Variants in CPQ observed in about 807,000 individuals in gnomAD.
The protein encoded by CPQ is carboxypeptidase Q.
Under a neutral mutation model 45.7 loss-of-function variants are expected in CPQ, and 37 were observed. The ratio of observed to expected loss-of-function variants is 0.81; its 90% CI spans 0.62 to 1.07. The LOEUF is 1.07. CPQ is among the 50% of genes least tolerant of loss of function. CPQ has a pLI of 0.00. For synonymous variants in CPQ, 186 were observed against 205.8 expected (o/e 0.90, Z 0.82); for missense variants, 537 against 572.9 (o/e 0.94, Z 0.64).
At chr8:97,141,551 A>G (rs1812164287) in intron 7 of CPQ, among the ~76,000 whole-genome samples, 2 of 152,178 alleles carry the variant, frequency 1.3e-5, no homozygotes, top group South Asian at 4.1e-4. Flanking sequence ...TATGTGAAGC[A>G]AGAGAATGAC....
intron 1 of CPQ, among the ~76,000 whole-genome samples, chr8:96,750,398 A>G (rs1238969221): frequency 6.6e-6 from 1 of 152,214 alleles, no homozygotes; most frequent in East Asian, 1.9e-4. Context: ...GGTTGACTGA[A>G]TAGTGCTTGG....
chr8:96,768,600 G>C (rs928804320), intron 1 of CPQ, among the ~76,000 whole-genome samples: 1 of 152,180 alleles, frequency 6.6e-6, no homozygotes, highest in Non-Finnish European at 1.5e-5. Flanking sequence ...TTTTTGTTGA[G>C]TTAACAGTGT....
At chr8:96,761,488 G>A (rs954556132) in intron 1 of CPQ, 3 of 152,184 alleles carry the variant, frequency 2.0e-5, no homozygotes, top group Non-Finnish European at 4.4e-5. Context: ...CCTACTCCAC[G>A]TAATGTGAGT....
intron 1 of CPQ, among the ~76,000 whole-genome samples, chr8:96,680,770 A>G (rs1480959492): frequency 1.3e-5 from 2 of 152,112 alleles, no homozygotes; most frequent in Non-Finnish European, 2.9e-5. Context: ...AAAGTGTGGA[A>G]CTCCCTAGAG....
chr8:96,995,428 A>G (rs981224111), intron 5 of CPQ, among the ~76,000 whole-genome samples: 1 of 152,028 alleles, frequency 6.6e-6, no homozygotes, highest in Non-Finnish European at 1.5e-5. Flanking sequence ...TAAATGCAGA[A>G]GAAGCTGATT....
intron 4 of CPQ, among the ~76,000 whole-genome samples, chr8:96,893,470 C>G (rs1812403516): frequency 6.6e-6 from 1 of 152,218 alleles, no homozygotes; most frequent in South Asian, 2.1e-4. Context: ...GCCTGCAGCA[C>G]TGTGTCCTTG....
At chr8:96,746,305 C>T (rs1054679706) in intron 1 of CPQ, among the ~76,000 whole-genome samples, 11 of 152,156 alleles carry the variant, frequency 7.2e-5, no homozygotes, top group Non-Finnish European at 7.3e-5. Flanking sequence ...ATAATAAATT[C>T]ATAGCACTTA....
At chr8:96,817,518 G>A (rs1403607409) in intron 2 of CPQ, among the ~76,000 whole-genome samples, 3 of 152,042 alleles carry the variant, frequency 2.0e-5, no homozygotes, top group Non-Finnish European at 4.4e-5. Flanking sequence ...TGTTGTAGGG[G>A]GTTTGATCTT....
intron 3 of CPQ, among the ~76,000 whole-genome samples, chr8:96,844,870 C>T (rs987538789): frequency 2.0e-5 from 3 of 152,188 alleles, no homozygotes; most frequent in Non-Finnish European, 4.4e-5. Context: ...AAACTATGCA[C>T]TTGTCTTTTC....
intron 7 of CPQ, among the ~76,000 whole-genome samples, chr8:97,117,313 T>A (rs1811611813): frequency 6.6e-6 from 1 of 152,136 alleles, no homozygotes; most frequent in African/African-American, 2.4e-5. Flanking sequence ...TAGTTGTCAA[T>A]TCATTCAACA....
At chr8:96,900,294 T>C (rs1177422351) in intron 4 of CPQ, among the ~76,000 whole-genome samples, 3 of 152,090 alleles carry the variant, frequency 2.0e-5, no homozygotes, top group Non-Finnish European at 2.9e-5. Context: ...TGGGTTGAGA[T>C]GGGGTTTGGG....
chr8:96,966,810 T>C (rs970896047), intron 5 of CPQ, among the ~76,000 whole-genome samples: 1 of 152,240 alleles, frequency 6.6e-6, no homozygotes, highest in African/African-American at 2.4e-5. Flanking sequence ...ATAATTACCA[T>C]ACATGACAGA....
At chr8:96,949,856 T>G (rs1305579143) in intron 4 of CPQ, among the ~76,000 whole-genome samples, 2 of 152,132 alleles carry the variant, frequency 1.3e-5, no homozygotes, top group African/African-American at 4.8e-5. Flanking sequence ...ACTTCAGACT[T>G]ACTCACTGCT....
At chr8:96,789,219 G>A (rs1227255989) in intron 2 of CPQ, among the ~76,000 whole-genome samples, 1 of 151,662 alleles carries the variant, frequency 6.6e-6, no homozygotes, top group Admixed American at 6.6e-5. Context: ...TTATGCCATA[G>A]TTTTAAAAAC....
chr8:96,788,325 A>G (rs1810801799), intron 2 of CPQ, among the ~76,000 whole-genome samples: 1 of 151,530 alleles, frequency 6.6e-6, no homozygotes, highest in South Asian at 2.1e-4. Flanking sequence ...TGCCCAGCTA[A>G]TTTTTTGTAT....
At chr8:97,056,205 A>G (rs191621991) in intron 6 of CPQ, among the ~76,000 whole-genome samples, 1 of 152,338 alleles carries the variant, frequency 6.6e-6, no homozygotes, top group East Asian at 1.9e-4. Flanking sequence ...ACACAATTAG[A>G]CATCTAAGTG....
chr8:97,091,996 C>T (rs1811134882), intron 7 of CPQ, among the ~76,000 whole-genome samples: 1 of 152,112 alleles, frequency 6.6e-6, no homozygotes, highest in Non-Finnish European at 1.5e-5. Flanking sequence ...ACTGACAAAA[C>T]ACATGATTCC....
chr8:96,947,622 CA>C (rs1392893394), intron 4 of CPQ, among the ~76,000 whole-genome samples: 2 of 152,010 alleles, frequency 1.3e-5, no homozygotes, highest in East Asian at 1.9e-4. Flanking sequence ...AACAAACAAA[CA>C]AAAAACTGCT....
At position 96,836,793 on chromosome 8, in the gene CPQ, A is replaced by ATT. The variant is rs200497470; in HGVS notation, c.641+1627_641+1628dup. On this transcript the variant is annotated intron_variant, in intron 3 of 7. Transcript: ENST00000220763. ...CAGTAATTTGTCAGGATTCACTGGC[A>ATT]TTTTTTTTTTTTTTTCTGGCATAAT... 3.5e-3 allele frequency among the ~76,000 whole-genome samples: 498 copies of ATT among 142,400 alleles called. 2 individuals carry two copies. The highest frequency in any genetic ancestry group is 0.01 in the African/African-American group (407 of 38,846). The allele number at this position is 142,400 out of a possible 152,430, so 93.4% of individuals were successfully genotyped here. A position where few individuals can be genotyped will look rare whatever the true frequency, so the allele number is the denominator to read the frequency against.
Sources: gnomAD v4.1 joint callset for allele counts (sites outside exome capture counted in the v4.1 genomes callset) on GRCh38, gnomAD v4.1.1 for gene constraint, MANE v1.5 for transcripts, NCBI Gene and HGNC (gene_info 2026-07-23, HGNC 2026-07-21) for gene names.